SEMA3A: variants seen among roughly 807,000 people sequenced by gnomAD.
SEMA3A encodes the protein semaphorin 3A, also known as semaphorin-3A.
In SEMA3A, 29 loss-of-function variants were observed where a neutral mutation model predicts 97.9. That is an observed-to-expected ratio of 0.30 (90% CI 0.22 to 0.40). The LOEUF (loss-of-function observed/expected upper bound fraction) is 0.40. Ranked by LOEUF, SEMA3A falls within the 10% of genes least tolerant of loss-of-function variation. The pLI is 1.00. For synonymous variants in SEMA3A, 321 were observed against 323.7 expected (o/e 0.99, Z 0.09); for missense variants, 763 against 951.3 (o/e 0.80, Z 2.60).
chr7:84,252,642 T>A (rs1244079719), intron 3 of SEMA3A, among the ~76,000 whole-genome samples: 1 of 152,200 alleles, frequency 6.6e-6, no homozygotes, highest in African/African-American at 2.4e-5. Context: ...ACCTATACAG[T>A]CATTCAGGAT....
chr7:84,055,382 C>T (rs1792919431), intron 5 of SEMA3A, among the ~76,000 whole-genome samples: 1 of 152,336 alleles, frequency 6.6e-6, no homozygotes, highest in Admixed American at 6.5e-5. Context: ...ACCCTCCCAG[C>T]CAGGTGTGGG....
chr7:84,455,174 A>G (rs1805658383), intron 1 of SEMA3A, among the ~76,000 whole-genome samples: 1 of 151,984 alleles, frequency 6.6e-6, no homozygotes, highest in South Asian at 2.1e-4. Context: ...AGAAATATGA[A>G]TACTCTTATT....
chr7:84,085,822 G>A (rs188554783), intron 4 of SEMA3A, among the ~76,000 whole-genome samples: 123 of 152,224 alleles, frequency 8.1e-4, no homozygotes, highest in African/African-American at 2.8e-3. Flanking sequence ...AGATGCATAT[G>A]CATGGGTTGT....
rs144809141 is a variant in SEMA3A at position 84,489,645 on chromosome 7, T to G, written c.-246+2815A>C. On this transcript the variant is annotated intron_variant, in intron 1 of 3. Coordinates refer to the SEMA3A transcript ENST00000424555. ...GGCCATTGACAAAATATGACACATC[T>G]AGGAAGCACTGTGCCCATTTTACAG... Among the ~76,000 whole-genome samples the G allele has an allele frequency of 2.5e-3, 379 of 152,256 alleles. 1 individual carries two copies. The highest frequency in any genetic ancestry group is 8.5e-3 in the African/African-American group (354 of 41,550).
upstream of SEMA3A, among the ~76,000 whole-genome samples, chr7:84,197,983 GC>G (rs1798274538): frequency 6.6e-6 from 1 of 151,930 alleles, no homozygotes; most frequent in African/African-American, 2.4e-5. Context: ...CAGGCAATCT[GC>G]CGGCCTCCGC....
chr7:84,433,584 T>C (rs1805045057), intron 1 of SEMA3A, among the ~76,000 whole-genome samples: 1 of 152,154 alleles, frequency 6.6e-6, no homozygotes, highest in African/African-American at 2.4e-5. Context: ...TGCTTTTGGG[T>C]ATATACCCAG....
chr7:84,352,753 T>C (rs928608227), intron 2 of SEMA3A, among the ~76,000 whole-genome samples: 3 of 151,858 alleles, frequency 2.0e-5, no homozygotes, highest in African/African-American at 7.2e-5. Flanking sequence ...TTCTTAACAA[T>C]ATACTGTTGT....
At chr7:84,426,273 T>TAGATAGAC (rs1379899287) in intron 1 of SEMA3A, among the ~76,000 whole-genome samples, 69 of 139,430 alleles carry the variant, frequency 4.9e-4, no homozygotes, top group African/African-American at 1.6e-3. Context: ...TATAGATATA[T>TAGATAGAC]AGACAGATAG....
At chr7:84,249,358 C>CTATCA (rs1222407634) in intron 3 of SEMA3A, among the ~76,000 whole-genome samples, 4 of 133,166 alleles carry the variant, frequency 3.0e-5, no homozygotes, top group African/African-American at 1.1e-4. Flanking sequence ...CTCTCTCTCT[C>CTATCA]TCTGTCTATC....
At chr7:84,154,346 C>T (rs1796767535) in intron 1 of SEMA3A, among the ~76,000 whole-genome samples, 1 of 151,972 alleles carries the variant, frequency 6.6e-6, no homozygotes, top group South Asian at 2.1e-4. Context: ...AAAGTCAATA[C>T]AGATAAGTTT....
chr7:84,289,236 G>A (rs960294757), intron 3 of SEMA3A, among the ~76,000 whole-genome samples: 4 of 152,024 alleles, frequency 2.6e-5, no homozygotes, highest in Non-Finnish European at 5.9e-5. Context: ...ACAGGATAGG[G>A]AGTGGTTCAT....
At chr7:84,161,084 G>A (rs1262063966) in intron 1 of SEMA3A, among the ~76,000 whole-genome samples, 3 of 151,836 alleles carry the variant, frequency 2.0e-5, no homozygotes, top group African/African-American at 7.3e-5. Flanking sequence ...TTAAAATTTA[G>A]GCCGGGCGTG....
intron 1 of SEMA3A, among the ~76,000 whole-genome samples, chr7:84,472,563 C>A (rs1806182366): frequency 6.6e-6 from 1 of 152,138 alleles, no homozygotes; most frequent in African/African-American, 2.4e-5. Flanking sequence ...AAACATGTCA[C>A]CACATTTCTA....
At chr7:84,479,712 T>A (rs1466007675) in intron 1 of SEMA3A, among the ~76,000 whole-genome samples, 1 of 152,098 alleles carries the variant, frequency 6.6e-6, no homozygotes, top group African/African-American at 2.4e-5. Flanking sequence ...TTAAAAAAAA[T>A]ACAATCCCAA....
At chr7:84,448,028 C>T (rs966359360) in intron 1 of SEMA3A, among the ~76,000 whole-genome samples, 1 of 152,172 alleles carries the variant, frequency 6.6e-6, no homozygotes, top group Non-Finnish European at 1.5e-5. Context: ...CTGGTGTGCC[C>T]GGTGTGCCTG....
chr7:84,401,972 T>C (rs1342381905), intron 1 of SEMA3A, among the ~76,000 whole-genome samples: 3 of 152,088 alleles, frequency 2.0e-5, no homozygotes, highest in Admixed American at 6.6e-5. Flanking sequence ...CACAATCACA[T>C]ACAATCAAAG....
upstream of SEMA3A, among the ~76,000 whole-genome samples, chr7:84,195,658 G>A (rs1798207999): frequency 6.6e-6 from 1 of 151,980 alleles, no homozygotes; most frequent in African/African-American, 2.4e-5. Flanking sequence ...ATTACAACGG[G>A]GGATTCTCAA....
intron 3 of SEMA3A, among the ~76,000 whole-genome samples, chr7:84,278,846 G>A (rs1037668461): frequency 3.3e-5 from 5 of 151,994 alleles, no homozygotes; most frequent in African/African-American, 1.2e-4. Context: ...CATCATCATT[G>A]GGGATTACAT....
At chr7:84,332,486 C>T (rs1195146822) in intron 2 of SEMA3A, among the ~76,000 whole-genome samples, 1 of 152,112 alleles carries the variant, frequency 6.6e-6, no homozygotes, top group Admixed American at 6.6e-5. Flanking sequence ...TCTGTTCATT[C>T]TTTACTATAA....
Sources: allele counts gnomAD v4.1 joint callset (sites outside exome capture counted in the v4.1 genomes callset), GRCh38; gene constraint gnomAD v4.1.1; transcripts MANE v1.5; gene names NCBI Gene and HGNC (gene_info 2026-07-23, HGNC 2026-07-21).